The following CREB5 variants were observed in gnomAD, a reference collection of about 807,000 sequenced individuals.
CREB5 encodes cAMP responsive element binding protein 5.
In CREB5, 19 loss-of-function variants were observed where a neutral mutation model predicts 57.1. The ratio of observed to expected loss-of-function variants is 0.33; its 90% CI spans 0.23 to 0.49. CREB5 has a LOEUF of 0.49. CREB5 is among the 20% of genes least tolerant of loss of function. The probability of loss-of-function intolerance (pLI) is 0.99; values close to 1 mark genes in which losing one functional copy is unlikely to be tolerated. For synonymous variants in CREB5, 238 were observed against 238.3 expected, an observed-to-expected ratio of 1.00 and a Z score of 0.01; for missense variants, 579 against 671.6, an observed-to-expected ratio of 0.86 and a Z score of 1.52.
At chr7:28,445,873 G>C (rs1789441402) in intron 1 of CREB5, among the ~76,000 whole-genome samples, 1 of 152,206 alleles carries the variant, frequency 6.6e-6, no homozygotes, top group South Asian at 2.1e-4. Flanking sequence ...ATACTTGAGA[G>C]GGTGAGGGAA....
intron 1 of CREB5, among the ~76,000 whole-genome samples, chr7:28,455,146 C>T (rs1474567612): frequency 6.6e-6 from 1 of 152,192 alleles, no homozygotes. Context: ...ATCAGTTACA[C>T]GTTTAATCTT....
At chr7:28,339,476 A>C (rs1443534184) in intron 1 of CREB5, among the ~76,000 whole-genome samples, 1 of 152,144 alleles carries the variant, frequency 6.6e-6, no homozygotes, top group African/African-American at 2.4e-5. Flanking sequence ...CTTTCTCCCA[A>C]GTAAATGGAG....
intron 1 of CREB5, among the ~76,000 whole-genome samples, chr7:28,466,168 G>T (rs1413992083): frequency 7.9e-6 from 1 of 126,948 alleles, no homozygotes; most frequent in African/African-American, 3.0e-5. Flanking sequence ...ATTCCATCCA[G>T]TTTTTACCCA....
chr7:28,739,167 C>G (rs923058314), intron 7 of CREB5, among the ~76,000 whole-genome samples: 3 of 152,172 alleles, frequency 2.0e-5, no homozygotes, highest in Admixed American at 2.0e-4. Context: ...GTCCTGTGCT[C>G]TTCAATACAG....
At chr7:28,465,014 T>C (rs114854128) in intron 1 of CREB5, among the ~76,000 whole-genome samples, 1,725 of 152,282 alleles carry the variant, frequency 0.011, 31 homozygotes, top group African/African-American at 0.04. Context: ...TAGAAACTAT[T>C]AGTAGGGGTA....
chr7:28,597,493 G>T (rs1272857816), intron 5 of CREB5, among the ~76,000 whole-genome samples: 1 of 152,192 alleles, frequency 6.6e-6, no homozygotes, highest in African/African-American at 2.4e-5. Flanking sequence ...GGAGGGACTT[G>T]ATTCCAGATC....
intron 4 of CREB5, among the ~76,000 whole-genome samples, chr7:28,550,976 C>A (rs1383291230): frequency 6.6e-6 from 1 of 152,070 alleles, no homozygotes; most frequent in Non-Finnish European, 1.5e-5. Context: ...ACACAACAAG[C>A]TTTAGGGGGT....
intron 1 of CREB5, among the ~76,000 whole-genome samples, chr7:28,415,212 G>T (rs979277557): frequency 6.6e-6 from 1 of 152,094 alleles, no homozygotes; most frequent in African/African-American, 2.4e-5. Context: ...AGATTCTGAT[G>T]GTGAGTTACA....
intron 7 of CREB5, among the ~76,000 whole-genome samples, chr7:28,799,317 A>G (rs562406930): frequency 6.6e-6 from 1 of 152,304 alleles, no homozygotes; most frequent in African/African-American, 2.4e-5. Flanking sequence ...TGGTGTTTTA[A>G]AAAGCTTGGT....
At chr7:28,409,901 T>C (rs1787698771), upstream of CREB5, 1 of 455,134 alleles carries the variant, frequency 2.2e-6, no homozygotes, top group Non-Finnish European at 4.4e-6. This position sits in a 1 kb window ranked among gnomAD's most constrained non-coding sequence, Gnocchi z 4.4. Flanking sequence ...TCCAGAGACC[T>C]GGCAAGGTGC....
chr7:28,808,846 C>T (rs954232569), intron 8 of CREB5, among the ~76,000 whole-genome samples: 2 of 148,966 alleles, frequency 1.3e-5, no homozygotes, highest in African/African-American at 5.0e-5. Flanking sequence ...TTAAACACAC[C>T]GTCAGTAAAA....
intron 1 of CREB5, among the ~76,000 whole-genome samples, chr7:28,392,878 C>G (rs928480570): frequency 5.3e-5 from 8 of 152,078 alleles, no homozygotes; most frequent in African/African-American, 1.9e-4. Flanking sequence ...TTTGTTTACT[C>G]AATTGTCCTT....
chr7:28,594,352 A>C (rs1562517777), intron 5 of CREB5, among the ~76,000 whole-genome samples: 1 of 152,208 alleles, frequency 6.6e-6, no homozygotes, highest in Non-Finnish European at 1.5e-5. Context: ...GTGTCTGTTC[A>C]ACTTAAAGGT....
intron 5 of CREB5, among the ~76,000 whole-genome samples, chr7:28,657,617 G>C (rs11772649): frequency 0.27 from 40,373 of 151,048 alleles, 5,558 homozygotes; most frequent in Middle Eastern, 0.36. Flanking sequence ...CTTGTGCAGC[G>C]GAGGCAGGAG....
chr7:28,599,231 T>G (rs906687756), intron 5 of CREB5, among the ~76,000 whole-genome samples: 2 of 152,070 alleles, frequency 1.3e-5, no homozygotes, highest in African/African-American at 4.8e-5. Context: ...ATATATATAT[T>G]ATATATCTAT....
At chr7:28,718,989 T>G in intron 6 of CREB5, 110 bp downstream of exon 6, 1 of 1,513,886 alleles carries the variant, frequency 6.6e-7, no homozygotes, top group South Asian at 1.2e-5. Flanking sequence ...AGAAGGCGAC[T>G]GCTTCTGAAT....
intron 7 of CREB5, among the ~76,000 whole-genome samples, chr7:28,776,041 G>C (rs1382863292): frequency 6.6e-6 from 1 of 152,146 alleles, no homozygotes; most frequent in African/African-American, 2.4e-5. Context: ...AGCTTAACTA[G>C]AAAGTTAAGC....
chr7:28,424,807 A>G (rs1562707658), intron 1 of CREB5, among the ~76,000 whole-genome samples: 1 of 152,258 alleles, frequency 6.6e-6, no homozygotes, highest in Non-Finnish European at 1.5e-5. Flanking sequence ...TAAGCTAAGT[A>G]TAAATGTTTC....
At chr7:28,462,445 G>A (rs989434519) in intron 1 of CREB5, among the ~76,000 whole-genome samples, 2 of 152,132 alleles carry the variant, frequency 1.3e-5, no homozygotes, top group African/African-American at 4.8e-5. Flanking sequence ...ACCCAGGAGT[G>A]GAATGGCTGG....
Sources: gnomAD v4.1 joint callset for allele counts (sites outside exome capture counted in the v4.1 genomes callset) on GRCh38, gnomAD v4.1.1 for gene constraint, Gnocchi (gnomAD v3.1) non-coding constraint, MANE v1.5 for transcripts, NCBI Gene and HGNC (gene_info 2026-07-23, HGNC 2026-07-21) for gene names.